The following REV3L variants were observed in gnomAD, a reference collection of about 807,000 sequenced individuals.
REV3L encodes REV3 like, DNA directed polymerase zeta catalytic subunit, also known as DNA polymerase zeta catalytic subunit.
In REV3L, 69 loss-of-function variants were observed where a neutral mutation model predicts 299.4. That is an observed-to-expected ratio of 0.23 (90% CI 0.19 to 0.28). REV3L has a LOEUF of 0.28. REV3L is among the 10% of genes least tolerant of loss of function. The pLI is 1.00. For synonymous variants in REV3L, 1,238 were observed against 1,271.4 expected, an observed-to-expected ratio of 0.97 and a Z score of 0.56; for missense variants, 3,128 against 3,693.8, an observed-to-expected ratio of 0.85 and a Z score of 3.97.
intron 1 of REV3L, among the ~76,000 whole-genome samples, chr6:111,416,884 C>G (rs556455865): frequency 1.3e-5 from 2 of 152,090 alleles, no homozygotes; most frequent in East Asian, 3.9e-4. Context: ...TTAATGTTTT[C>G]AAACAAGAGC....
In REV3L at chr6:111,407,110, T is replaced by C. The variant is rs933547671; in HGVS notation, c.405-1480A>G. Among the ~76,000 whole-genome samples the C allele has an allele frequency of 3.9e-5, 6 of 152,180 alleles. No homozygotes were observed. The East Asian group carries it at 5.8e-4, about 15-fold the overall frequency. ...GGGCAACAGAGCAAGATCCTGTGTC[T>C]TAAAAAAACAAAGGGGCTAAAATTC... On this transcript the variant is annotated intron_variant, in intron 3 of 31. Transcript: ENST00000368802.
chr6:111,396,064 T>C (rs1362442950), intron 4 of REV3L, among the ~76,000 whole-genome samples: 1 of 152,188 alleles, frequency 6.6e-6, no homozygotes, highest in Non-Finnish European at 1.5e-5. Flanking sequence ...TCTCACTCTG[T>C]CACCCAGGCT....
intron 13 of REV3L, 109 bp from the exon 14 acceptor site, chr6:111,368,137 G>A: frequency 5.5e-6 from 5 of 903,850 alleles, no homozygotes; most frequent in Non-Finnish European, 8.2e-6. Context: ...AAATGTCCAT[G>A]TCTATCTTCC....
chr6:111,416,800 A>G (rs560215100), intron 1 of REV3L, among the ~76,000 whole-genome samples: 84 of 152,228 alleles, frequency 5.5e-4, no homozygotes, highest in Non-Finnish European at 1.1e-3. Context: ...TGAAGGTTAT[A>G]AGCACAGTGT....
At chr6:111,425,797 G>A (rs547409755) in intron 1 of REV3L, among the ~76,000 whole-genome samples, 21 of 152,108 alleles carry the variant, frequency 1.4e-4, no homozygotes, top group African/African-American at 4.8e-4. Flanking sequence ...AGTTAAAGGA[G>A]AGTATGAGAC....
At chr6:111,426,335 G>C (rs1177246276) in intron 1 of REV3L, among the ~76,000 whole-genome samples, 2 of 152,160 alleles carry the variant, frequency 1.3e-5, no homozygotes, top group African/African-American at 2.4e-5. Context: ...CTGAAAATTT[G>C]ATGGATTTAA....
At chr6:111,356,178 C>T (rs1012729002) in intron 18 of REV3L, among the ~76,000 whole-genome samples, 1 of 152,084 alleles carries the variant, frequency 6.6e-6, no homozygotes, top group Admixed American at 6.6e-5. Context: ...ACAACATGCT[C>T]ATGGACAGCT....
chr6:111,345,003 T>G (rs777064058), intron 20 of REV3L, among the ~76,000 whole-genome samples: 2 of 152,164 alleles, frequency 1.3e-5, no homozygotes, highest in Non-Finnish European at 2.9e-5. Context: ...AGTGTGTGTA[T>G]GTACTTGTGT....
chr6:111,402,644 T>C, intron 4 of REV3L, among the ~76,000 whole-genome samples: 1 of 152,068 alleles, frequency 6.6e-6, no homozygotes, highest in East Asian at 1.9e-4. Flanking sequence ...AAAGAAACCC[T>C]CCCTGGTGAC....
rs745661585 is a variant in REV3L at position 111,329,558 on chromosome 6, A to C, written c.8215T>G (p.Phe2739Val). The C allele has an allele frequency of 6.2e-7, 1 of 1,614,126 alleles. No homozygotes were observed. The highest frequency in any genetic ancestry group is 1.1e-5 in the South Asian group (1 of 91,076). The change falls in exon 25 of 32, where the codon TTT becomes GTT. Residue 2739 changes from phenylalanine (F) to valine (V), a missense_variant. Coordinates refer to ENST00000368802, the MANE Select transcript of REV3L (RefSeq NM_001372078.1). ...TCAATGCATGGCATTCTCCCAGAAA[A>C]ATTAGCAGATGTATAGCCAAATGTG... The part of the protein sequence containing the change: ...NVTFGYTSAN[F>V]SGRMPCIEVG...
Position 111,388,076 on chromosome 6 carries a change from A to C in REV3L, c.872T>G (p.Phe291Cys), listed in dbSNP as rs771446028. Residue 291 changes from phenylalanine (F) to cysteine (C), a missense_variant, in exon 8 of 32, where the codon TTT becomes TGT. Transcript: ENST00000368802. The stretch of plus-strand genomic sequence containing the variant: ...TTTTTCACTTTCTGTTGCTGGCACA[A>C]ACCTGTGATCTTTGAATTTTAAAAG... ...MSQPESQDHRFVPATESEKKF... is the reference protein window; with the variant it reads ...MSQPESQDHRCVPATESEKKF... 6.2e-7 allele frequency: 1 copy of C among 1,607,460 alleles called. No individual in the cohort carries two copies. Among genetic ancestry groups the C allele is most frequent in the East Asian group, 2.2e-5 (1 of 44,784 alleles).
intron 1 of REV3L, chr6:111,471,971 C>T (rs1309257404): frequency 6.5e-6 from 7 of 1,070,616 alleles, no homozygotes; most frequent in East Asian, 1.8e-4. Context: ...CTCACCCCCA[C>T]CCCCCTCACC....
Position 111,426,910 on chromosome 6 carries a change from T to G in REV3L, c.140-10438A>C, listed in dbSNP as rs187255348. 2.7e-3 allele frequency among the ~76,000 whole-genome samples: 414 copies of G among 152,328 alleles called. 1 individual carries two copies. Among genetic ancestry groups the G allele is most frequent in the Middle Eastern group, 0.017 (5 of 294 alleles). ...TCAGACTAAACGTCATAAAAATAAT[T>G]AGTGTTATTAACCTTAGTGAAAAAT... On this transcript the variant is annotated intron_variant, in intron 1 of 31. Transcript: ENST00000368802.
At chr6:111,356,107 T>C (rs532139650) in intron 18 of REV3L, among the ~76,000 whole-genome samples, 1 of 152,170 alleles carries the variant, frequency 6.6e-6, no homozygotes, top group African/African-American at 2.4e-5. Flanking sequence ...TGTAGAATAC[T>C]GATTTAGTTT....
In REV3L at chr6:111,422,601, T is replaced by TATATATATATAC. The variant is rs1562286814; in HGVS notation, c.140-6141_140-6130dup. Among the ~76,000 whole-genome samples the TATATATATATAC allele has an allele frequency of 3.4e-4, 7 of 20,316 alleles. 1 individual carries two copies. Among genetic ancestry groups the TATATATATATAC allele is most frequent in the African/African-American group, 1.2e-3 (7 of 5,744 alleles). 13.3% of individuals were successfully genotyped at this position (20,316 alleles called of 152,430 possible). On this transcript the variant is annotated intron_variant, in intron 1 of 31. Transcript: ENST00000368802. ...ACACATATATATATATATACACATATATATATATATACACATATATATATA... is the reference window on the plus strand; with the variant it reads ...ACACATATATATATATATACACATATATATATATATACATATATATATACACATATATATATA...
At chr6:111,384,663 G>A (rs1781161076) in intron 9 of REV3L, among the ~76,000 whole-genome samples, 1 of 152,190 alleles carries the variant, frequency 6.6e-6, no homozygotes, top group African/African-American at 2.4e-5. Context: ...AATTAGTACA[G>A]CCACTATGGA....
At chr6:111,429,032 A>T (rs1192991964) in intron 1 of REV3L, among the ~76,000 whole-genome samples, 2 of 152,248 alleles carry the variant, frequency 1.3e-5, no homozygotes, top group African/African-American at 4.8e-5. Flanking sequence ...GTCTGGCAAC[A>T]GACATCTTAA....
rs751001614 is a variant in REV3L, at chr6:111,307,384, G to A, written c.9229C>T (p.Arg3077Cys). 11 of 1,613,978 alleles carry A rather than the reference G, an allele frequency of 6.8e-6. No homozygotes were observed. Among genetic ancestry groups the A allele is most frequent in the South Asian group, 3.3e-5 (3 of 91,078 alleles). ...ILNQEIRELE[R>C]QQEQLVKICK... is the part of the protein sequence containing the mutation. ...ACCTTTACAAGTTGCTCCTGTTGAC[G>A]TTCCAACTCCCGGATTTCTTGGTTG... Residue 3077 changes from arginine (R) to cysteine (C), a missense_variant, in exon 31 of 32, where the codon CGT becomes TGT. This residue lies in a region of REV3L where 294 missense variants were observed against 377.0 expected (regional missense o/e 0.78). Coordinates refer to ENST00000368802, the MANE Select transcript of REV3L (RefSeq NM_001372078.1).
intron 30 of REV3L, chr6:111,309,192 G>T (rs1447625305): frequency 6.6e-6 from 1 of 152,296 alleles, no homozygotes; most frequent in Non-Finnish European, 1.5e-5. Flanking sequence ...CTTGTCTCAA[G>T]GATGGAGGGC....
Sources: allele counts gnomAD v4.1 joint callset (sites outside exome capture counted in the v4.1 genomes callset), GRCh38; gene constraint gnomAD v4.1.1; regional missense constraint gnomAD v4.1.1; transcripts MANE v1.5; gene names NCBI Gene and HGNC (gene_info 2026-07-23, HGNC 2026-07-21).